Variants in PCDHA1 observed in about 807,000 individuals in gnomAD.
The protein encoded by PCDHA1 is protocadherin alpha 1.
Under a neutral mutation model 61.3 loss-of-function variants are expected in PCDHA1, and 42 were observed. The ratio of observed to expected loss-of-function variants is 0.69; its 90% CI spans 0.54 to 0.89. The LOEUF (loss-of-function observed/expected upper bound fraction) is 0.89. PCDHA1 is among the 40% of genes least tolerant of loss of function. The pLI is 0.00. For synonymous variants in PCDHA1, 610 were observed against 553.8 expected (o/e 1.10, Z -1.43); for missense variants, 1,256 against 1,235.3 (o/e 1.02, Z -0.25).
In PCDHA1 at chr5:140,807,974, A is replaced by G. The variant is rs533157814; in HGVS notation, c.2394+19290A>G. On this transcript the variant is annotated intron_variant, in intron 1 of 3. Transcript: ENST00000504120. ...TGTTCCTAATGGAACATTGGTAATTAAACTTAACGCCTCAGATTTAGACGA... is the reference window on the plus strand; with the variant it reads ...TGTTCCTAATGGAACATTGGTAATTGAACTTAACGCCTCAGATTTAGACGA... 67 of 1,613,856 alleles carry G rather than the reference A, an allele frequency of 4.2e-5. 1 individual carries two copies. In the South Asian group the frequency reaches 7.0e-4, roughly 17 times the overall value.
intron 1 of PCDHA1, chr5:140,843,530 C>G (rs2150362147): frequency 1.3e-6 from 2 of 1,595,838 alleles, no homozygotes; most frequent in African/African-American, 1.3e-5. Flanking sequence ...GGCGGGCAAG[C>G]CCACTCTGGT....
rs1761453425 is a variant in PCDHA1, at chr5:140,788,266, T to C, written c.1976T>C (p.Leu659Pro). 2.5e-6 allele frequency: 4 copies of C among 1,613,952 alleles called. No individual in the cohort carries two copies. Among genetic ancestry groups the C allele is most frequent in the Non-Finnish European group, 3.4e-6 (4 of 1,179,920 alleles). The change falls in exon 1 of 4, where the codon CTG (leucine) becomes CCG (proline). Residue 659 changes from leucine (L) to proline (P), a missense_variant. Leu to Pro is a moderately conservative substitution (Grantham distance 98, BLOSUM62 -3). Coordinates refer to ENST00000504120, the MANE Select transcript of PCDHA1 (RefSeq NM_018900.4). ...VLVKDHGEPALTATATVLVSL... is the reference protein window; with the variant it reads ...VLVKDHGEPAPTATATVLVSL... ...GTGAAGGATCACGGTGAGCCGGCGC[T>C]GACAGCCACGGCCACTGTGCTTGTA...
intron 1 of PCDHA1, among the ~76,000 whole-genome samples, chr5:140,839,389 GAT>G (rs2150297251): frequency 1.3e-5 from 2 of 151,658 alleles, no homozygotes; most frequent in African/African-American, 4.9e-5. Flanking sequence ...TTATGATGAT[GAT>G]GATGATTATT....
intron 1 of PCDHA1, among the ~76,000 whole-genome samples, chr5:140,875,029 T>C (rs1288139866): frequency 6.6e-6 from 1 of 152,256 alleles, no homozygotes; most frequent in Non-Finnish European, 1.5e-5. Flanking sequence ...TGGCCTACTG[T>C]ATTTGAAAGA....
intron 1 of PCDHA1, chr5:140,871,328 G>A (rs374687707): frequency 6.2e-7 from 1 of 1,614,128 alleles, no homozygotes; most frequent in Admixed American, 1.7e-5. Flanking sequence ...GTGTGCTCCC[G>A]CGCGGTGGGG....
intron 1 of PCDHA1, chr5:140,794,880 G>A: frequency 7.2e-7 from 1 of 1,391,698 alleles, no homozygotes; most frequent in Non-Finnish European, 9.8e-7. Flanking sequence ...AATAAGAGAA[G>A]CAGCAGGACT....
Position 140,974,863 on chromosome 5 carries a change from G to A in PCDHA1, c.2395-4086G>A, listed in dbSNP as rs559374442. On this transcript the variant is annotated intron_variant, in intron 1 of 3. Coordinates refer to ENST00000504120, the MANE Select transcript of PCDHA1 (RefSeq NM_018900.4). ...ATGTTATATTCCCTTTTGCCTTAAT[G>A]CGGAACAGTCTATGTATCCCTTTTC... Among the ~76,000 whole-genome samples, 14 of 152,198 alleles carry A rather than the reference G, an allele frequency of 9.2e-5. No homozygotes were observed. The South Asian group carries it at 2.9e-3, about 32-fold the overall frequency.
At chr5:140,918,036 C>G (rs1423930397) in intron 1 of PCDHA1, among the ~76,000 whole-genome samples, 1 of 152,036 alleles carries the variant, frequency 6.6e-6, no homozygotes, top group Non-Finnish European at 1.5e-5. Flanking sequence ...CGTGGAAGGT[C>G]TTTCCATTTG....
chr5:140,802,731 G>A (rs782560612), intron 1 of PCDHA1: 3 of 1,612,422 alleles, frequency 1.9e-6, no homozygotes, highest in Admixed American at 3.3e-5. Context: ...GTCGGTACAC[G>A]CGGAGAGCGG....
intron 1 of PCDHA1, chr5:140,835,998 G>T (rs2150249955): frequency 1.2e-6 from 2 of 1,613,382 alleles, no homozygotes; most frequent in Non-Finnish European, 1.7e-6. Flanking sequence ...GAGCGCGCGC[G>T]ATGCGGGCGT....
At chr5:140,856,867 C>A (rs1554149232) in intron 1 of PCDHA1, 1 of 1,595,186 alleles carries the variant, frequency 6.3e-7, no homozygotes. Context: ...AAGGAATAAA[C>A]AAGGAAATGA....
Position 140,791,799 on chromosome 5 carries a change from G to A in PCDHA1, c.2394+3115G>A, listed in dbSNP as rs181461351. On this transcript the variant is annotated intron_variant, in intron 1 of 3. Transcript: ENST00000504120. The stretch of plus-strand genomic sequence containing the variant: ...GATATTCCTTCTTTTTTCTTGCTTA[G>A]CATCCACTCCCCTTGTTGTTTTTTT... Among the ~76,000 whole-genome samples, 238 of 152,178 alleles carry A rather than the reference G, an allele frequency of 1.6e-3. 1 individual carries two copies. The highest frequency in any genetic ancestry group is 1.3e-3 in the Non-Finnish European group (89 of 67,986).
chr5:140,828,913 T>A, intron 1 of PCDHA1: 1 of 1,614,238 alleles, frequency 6.2e-7, no homozygotes, highest in East Asian at 2.2e-5. Context: ...AAGGAGCGAA[T>A]GGGGCAATTT....
At position 141,011,373 on chromosome 5, in the gene PCDHA1, TAA is replaced by T. The variant is rs1299941460; in HGVS notation, c.*1437_*1438del. The T allele has an allele frequency of 1.3e-5, 2 of 153,792 alleles. No homozygotes were observed. Among genetic ancestry groups the T allele is most frequent in the Non-Finnish European group, 2.9e-5 (2 of 68,046 alleles). The allele number at this position is 153,792 out of a possible 1,614,324, so 9.5% of individuals were successfully genotyped here. A position where few individuals can be genotyped will look rare whatever the true frequency, so the allele number is the denominator to read the frequency against. The stretch of plus-strand genomic sequence containing the variant: ...CCCATATGTATGCTGTATGCTATGC[TAA>T]GACTCCTGAAATATACTTACTCTGT... On this transcript the variant is annotated 3_prime_UTR_variant, in exon 4 of 4. Coordinates refer to ENST00000504120, the MANE Select transcript of PCDHA1 (RefSeq NM_018900.4).
chr5:140,955,987 A>G (rs1185683030), intron 1 of PCDHA1, among the ~76,000 whole-genome samples: 3 of 152,198 alleles, frequency 2.0e-5, no homozygotes, highest in African/African-American at 7.2e-5. Flanking sequence ...CAATTTTTGC[A>G]CATTGATTTT....
chr5:140,883,449 C>G lies in PCDHA1; in HGVS notation c.2394+94765C>G, dbSNP rs782030208. The G allele has an allele frequency of 6.8e-6, 11 of 1,614,058 alleles. No homozygotes were observed. The Admixed American group carries it at 1.8e-4, about 27-fold the overall frequency. On this transcript the variant is annotated intron_variant, in intron 1 of 3. Coordinates refer to ENST00000504120, the MANE Select transcript of PCDHA1 (RefSeq NM_018900.4). Reference sequence around the variant, plus strand: ...ACCTGCACCTTGACGCCGCATGTCCCCTTCAAGCTGGTGTCCACCTACAAG... The same window carrying G: ...ACCTGCACCTTGACGCCGCATGTCCGCTTCAAGCTGGTGTCCACCTACAAG...
chr5:141,000,389 CTCTCTCTATATATA>C (rs1429861640), intron 3 of PCDHA1, among the ~76,000 whole-genome samples: 15 of 62,586 alleles, frequency 2.4e-4, no homozygotes, highest in African/African-American at 9.8e-4. Flanking sequence ...CTCTCTCTCT[CTCTCTCTATATATA>C]TATATATATA....
At chr5:140,926,879 C>G in intron 1 of PCDHA1, 1 of 1,534,480 alleles carries the variant, frequency 6.5e-7, no homozygotes, top group Non-Finnish European at 8.8e-7. Flanking sequence ...GGAACGTGGA[C>G]GCCTAGAGGG....
chr5:140,802,742 C>A, intron 1 of PCDHA1: 1 of 1,612,572 alleles, frequency 6.2e-7, no homozygotes, highest in Non-Finnish European at 8.5e-7. Context: ...CGGAGAGCGG[C>A]AAGGTGTACG....
Sources: gnomAD v4.1 joint callset for allele counts (sites outside exome capture counted in the v4.1 genomes callset) on GRCh38, gnomAD v4.1.1 for gene constraint, MANE v1.5 for transcripts, NCBI Gene and HGNC (gene_info 2026-07-23, HGNC 2026-07-21) for gene names.